The following PCDH15 variants were observed in gnomAD, a reference collection of about 807,000 sequenced individuals.
The protein encoded by PCDH15 is protocadherin-15.
Under a neutral mutation model 178.5 loss-of-function variants are expected in PCDH15, and 129 were observed. The observed-to-expected ratio is 0.72, with a 90% CI of 0.63 to 0.84. The LOEUF is 0.84. Ranked by LOEUF, PCDH15 falls within the 40% of genes least tolerant of loss-of-function variation. PCDH15 has a pLI of 0.00. For synonymous variants in PCDH15, 800 were observed against 732.0 expected (o/e 1.09, Z -1.50); for missense variants, 2,230 against 2,099.9 (o/e 1.06, Z -1.21).
Position 54,903,570 on chromosome 10 carries a change from G to GTT in PCDH15, c.-79-6072_-79-6071dup, listed in dbSNP as rs140294483. 4.6e-4 allele frequency among the ~76,000 whole-genome samples: 67 copies of GTT among 147,058 alleles called. 1 individual carries two copies. Among genetic ancestry groups the GTT allele is most frequent in the Admixed American group, 3.7e-3 (54 of 14,744 alleles). ...AGAAACTAAACCTATTTTTTGCCAT[G>GTT]TTTTTTTTTTGGGAAAAAGTATTTT... On this transcript the variant is annotated intron_variant, in intron 2 of 5. Coordinates refer to the PCDH15 transcript ENST00000458638.
At position 54,359,330 on chromosome 10, in the gene PCDH15, T is replaced by A. The variant is rs975260121; in HGVS notation, c.474+9790A>T. Among the ~76,000 whole-genome samples the A allele has an allele frequency of 2.0e-5, 3 of 150,082 alleles. 1 individual carries two copies. Among genetic ancestry groups the A allele is most frequent in the East Asian group, 1.9e-4 (1 of 5,168 alleles). The stretch of plus-strand genomic sequence containing the variant: ...TGAATTTGAATTAATAATGTACCAA[T>A]GTTGGTTTATTAGTTGTTACAAAAA... On this transcript the variant is annotated intron_variant, in intron 5 of 37. Coordinates refer to ENST00000644397, the MANE Select transcript of PCDH15 (RefSeq NM_001384140.1).
chr10:55,161,278 T>C (rs1839058883), intron 2 of PCDH15, among the ~76,000 whole-genome samples: 1 of 152,196 alleles, frequency 6.6e-6, no homozygotes, highest in Admixed American at 6.6e-5. Flanking sequence ...GGAAGGGCTA[T>C]CTTATGGATA....
intron 26 of PCDH15, among the ~76,000 whole-genome samples, chr10:53,895,409 T>C (rs1234194421): frequency 1.3e-5 from 2 of 152,216 alleles, no homozygotes; most frequent in Admixed American, 1.3e-4. Context: ...TTATTTTCTT[T>C]TAGTCCATAA....
intron 2 of PCDH15, among the ~76,000 whole-genome samples, chr10:55,009,824 A>G (rs1246173024): frequency 3.3e-5 from 5 of 152,156 alleles, no homozygotes; most frequent in African/African-American, 4.8e-5. Context: ...ATTGTCTTCT[A>G]ATGGGTAAAT....
intron 2 of PCDH15, among the ~76,000 whole-genome samples, chr10:54,661,458 A>G (rs891762780): frequency 6.6e-6 from 1 of 152,030 alleles, no homozygotes; most frequent in African/African-American, 2.4e-5. Flanking sequence ...AATCAACATC[A>G]TTAAAATGAC....
chr10:55,172,719 T>A (rs1044945225), intron 1 of PCDH15, among the ~76,000 whole-genome samples: 1 of 152,010 alleles, frequency 6.6e-6, no homozygotes, highest in Non-Finnish European at 1.5e-5. Context: ...TATAGAATAT[T>A]TATGGTATCA....
intron 26 of PCDH15, among the ~76,000 whole-genome samples, chr10:53,878,181 GCA>G (rs71004486): frequency 0.027 from 3,321 of 124,862 alleles, 48 homozygotes; most frequent in Non-Finnish European, 0.031. Flanking sequence ...CTATACTATG[GCA>G]CACACACACA....
intron 23 of PCDH15, among the ~76,000 whole-genome samples, chr10:53,946,927 C>T (rs950986602): frequency 3.9e-5 from 6 of 152,084 alleles, no homozygotes; most frequent in African/African-American, 1.4e-4. Flanking sequence ...CAGGCGCCCA[C>T]CACCACACCT....
intron 2 of PCDH15, among the ~76,000 whole-genome samples, chr10:55,114,191 T>C (rs1837576329): frequency 6.6e-6 from 1 of 152,140 alleles, no homozygotes; most frequent in Non-Finnish European, 1.5e-5. Context: ...GACCTCATGA[T>C]CCTCCTGCCT....
intron 3 of PCDH15, among the ~76,000 whole-genome samples, chr10:54,862,535 T>C (rs763776112): frequency 2.0e-5 from 3 of 152,138 alleles, no homozygotes; most frequent in Non-Finnish European, 4.4e-5. Context: ...AGGTTAAAAT[T>C]TGATCCCCAA....
chr10:55,520,555 G>GC (rs1254120651), intron 2 of PCDH15, among the ~76,000 whole-genome samples: 3 of 148,904 alleles, frequency 2.0e-5, no homozygotes, highest in African/African-American at 7.4e-5. Flanking sequence ...TTATTTATAT[G>GC]TTTTTATTCT....
intron 3 of PCDH15, among the ~76,000 whole-genome samples, chr10:54,385,460 C>A (rs1317660024): frequency 1.3e-5 from 2 of 152,064 alleles, no homozygotes; most frequent in African/African-American, 4.8e-5. Flanking sequence ...CGTGCTCAAG[C>A]AGTTTGCTTT....
rs1842957667 is a variant in PCDH15, at chr10:55,597,347, A to G, written c.-156+30278T>C. 3.9e-5 allele frequency: 6 copies of G among 152,074 alleles called. No homozygotes were observed. In the South Asian group the frequency reaches 1.2e-3, roughly 32 times the overall value. 9.4% of individuals were successfully genotyped at this position (152,074 alleles called of 1,614,324 possible). On this transcript the variant is annotated intron_variant, in intron 2 of 5. Coordinates refer to the PCDH15 transcript ENST00000613346. Reference sequence around the variant, plus strand: ...GGACTACTTCTGATTAAATCCGAAAATCCACCCTCCCTCCATCTCTGACTT... The same window carrying G: ...GGACTACTTCTGATTAAATCCGAAAGTCCACCCTCCCTCCATCTCTGACTT...
At chr10:54,073,967 T>C (rs2094294163) in intron 17 of PCDH15, among the ~76,000 whole-genome samples, 1 of 152,176 alleles carries the variant, frequency 6.6e-6, no homozygotes, top group Admixed American at 6.5e-5. Flanking sequence ...AGATGGGGTT[T>C]CTGAAAAAAC....
At chr10:54,062,243 AAAAAAAAAAC>A (rs1168441131) in intron 18 of PCDH15, among the ~76,000 whole-genome samples, 68 of 143,728 alleles carry the variant, frequency 4.7e-4, no homozygotes, top group African/African-American at 1.6e-3. Context: ...AAAAAAAAAA[AAAAAAAAAAC>A]AAAAAACAAC....
chr10:54,797,225 T>G (rs1448066244), intron 1 of PCDH15, among the ~76,000 whole-genome samples: 1 of 152,010 alleles, frequency 6.6e-6, no homozygotes, highest in African/African-American at 2.4e-5. Context: ...TACAGAAAGT[T>G]ACACCTCCTA....
chr10:54,354,918 G>A (rs1445989964), intron 5 of PCDH15, among the ~76,000 whole-genome samples: 1 of 151,936 alleles, frequency 6.6e-6, no homozygotes, highest in Non-Finnish European at 1.5e-5. Flanking sequence ...ATAAAACTAT[G>A]AGAAATGGAT....
chr10:54,746,282 C>T (rs188948508), intron 1 of PCDH15, among the ~76,000 whole-genome samples: 5 of 151,670 alleles, frequency 3.3e-5, no homozygotes, highest in African/African-American at 1.2e-4. Flanking sequence ...CTTTTGGGGG[C>T]AAAATAATTG....
intron 2 of PCDH15, among the ~76,000 whole-genome samples, chr10:54,610,485 T>G (rs1221347108): frequency 6.6e-6 from 1 of 151,894 alleles, no homozygotes; most frequent in Non-Finnish European, 1.5e-5. Flanking sequence ...AGCTAGTTTA[T>G]GGCAGAGGAG....
Sources: gnomAD v4.1 joint callset for allele counts (sites outside exome capture counted in the v4.1 genomes callset) on GRCh38, gnomAD v4.1.1 for gene constraint, MANE v1.5 for transcripts, NCBI Gene and HGNC (gene_info 2026-07-23, HGNC 2026-07-21) for gene names.